The following TNS3 variants were observed in gnomAD, a reference collection of about 807,000 sequenced individuals.
TNS3 encodes the protein tensin 3, also known as tensin-3.
TNS3 carries 45 observed loss-of-function variants against 140.9 expected under a neutral mutation model. That is an observed-to-expected ratio of 0.32 (90% CI 0.25 to 0.41). The LOEUF is 0.41. Ranked by LOEUF, TNS3 falls within the 10% of genes least tolerant of loss-of-function variation. The pLI is 1.00. For synonymous variants in TNS3, 815 were observed against 788.4 expected, an observed-to-expected ratio of 1.03 and a Z score of -0.56; for missense variants, 1,716 against 1,906.7, an observed-to-expected ratio of 0.90 and a Z score of 1.86.
At chr7:47,297,021 T>A in intron 24 of TNS3, 61 bp downstream of exon 24, 1 of 1,566,272 alleles carries the variant, frequency 6.4e-7, no homozygotes, top group Non-Finnish European at 8.6e-7. Flanking sequence ...AGCCTAAAAA[T>A]AAACCAACAG....
intron 3 of TNS3, among the ~76,000 whole-genome samples, chr7:47,505,414 T>G (rs1460251869): frequency 1.3e-5 from 2 of 152,018 alleles, no homozygotes; most frequent in East Asian, 3.9e-4. Context: ...GAACAAGAAA[T>G]GCCCACTCCT....
intron 20 of TNS3, among the ~76,000 whole-genome samples, chr7:47,339,345 C>T (rs1439398609): frequency 6.6e-6 from 1 of 152,194 alleles, no homozygotes; most frequent in African/African-American, 2.4e-5. Context: ...TTAAGTCCAT[C>T]ATCCATTTTA....
chr7:47,473,598 AC>A (rs1797047139), intron 4 of TNS3, among the ~76,000 whole-genome samples: 1 of 152,138 alleles, frequency 6.6e-6, no homozygotes, highest in African/African-American at 2.4e-5. Flanking sequence ...GCAGGAAATA[AC>A]CACTGTCCAG....
rs78155282 is a variant in TNS3 at position 47,276,323 on chromosome 7, C to T, written c.*1753G>A. 1,856 of 154,754 alleles carry T rather than the reference C, an allele frequency of 0.012. 38 individuals carry two copies. The highest frequency in any genetic ancestry group is 0.043 in the African/African-American group (1,786 of 41,572). 9.6% of individuals were successfully genotyped at this position (154,754 alleles called of 1,614,324 possible). A position where few individuals can be genotyped will look rare whatever the true frequency, so the allele number is the denominator to read the frequency against. On this transcript the variant is annotated 3_prime_UTR_variant, in exon 31 of 31. Coordinates refer to ENST00000311160, the MANE Select transcript of TNS3 (RefSeq NM_022748.12). ...TCACACACGCATACACGCACGCATG[C>T]ACACACGCACACACACACAACACCC... is the stretch of plus-strand genomic sequence containing the variant.
At chr7:47,531,531 C>T (rs1397058566) in intron 1 of TNS3, among the ~76,000 whole-genome samples, 1 of 152,124 alleles carries the variant, frequency 6.6e-6, no homozygotes, top group African/African-American at 2.4e-5. Context: ...GCTAATTACA[C>T]AGGTAAATTT....
At chr7:47,353,972 C>G (rs1455670565) in intron 17 of TNS3, among the ~76,000 whole-genome samples, 1 of 143,176 alleles carries the variant, frequency 7.0e-6, no homozygotes, top group Non-Finnish European at 1.5e-5. Context: ...AGGAAACAAA[C>G]AAACAAACAC....
In TNS3 at chr7:47,278,069, G is replaced by T; in HGVS notation, c.*7C>A. The T allele has an allele frequency of 6.2e-7, 1 of 1,613,950 alleles. No homozygotes were observed. Among genetic ancestry groups the T allele is most frequent in the South Asian group, 1.1e-5 (1 of 91,058 alleles). On this transcript the variant is annotated 3_prime_UTR_variant, in exon 31 of 31. Transcript: ENST00000311160. ...GCATCGGTGGGTCCAGGGAGGGAGG[G>T]GAGTTCTCAGACCTTCTTTGGGGAA...
intron 16 of TNS3, among the ~76,000 whole-genome samples, chr7:47,371,953 G>A (rs968457885): frequency 6.6e-6 from 1 of 152,250 alleles, no homozygotes; most frequent in Non-Finnish European, 1.5e-5. Flanking sequence ...AGGTTGACCT[G>A]AGAATTAAAT....
chr7:47,568,927 T>C (rs1030931831), intron 1 of TNS3, among the ~76,000 whole-genome samples: 32 of 152,326 alleles, frequency 2.1e-4, no homozygotes, highest in African/African-American at 6.7e-4. Flanking sequence ...CACTATCTCC[T>C]CCTCACTGTG....
chr7:47,293,942 A>C (rs984534280), intron 24 of TNS3, 114 bp from the exon 25 acceptor site: 4 of 932,632 alleles, frequency 4.3e-6, no homozygotes, highest in Non-Finnish European at 6.7e-6. Context: ...TTCTCTGAAT[A>C]CGAGTCCAGT....
chr7:47,346,467 G>C, intron 17 of TNS3, 111 bp from the exon 18 acceptor site: 3 of 1,285,700 alleles, frequency 2.3e-6, no homozygotes, highest in Non-Finnish European at 3.2e-6. Context: ...GCTGCATCCT[G>C]GTCACCACTG....
At chr7:47,577,086 G>A (rs892294219) in intron 1 of TNS3, among the ~76,000 whole-genome samples, 5 of 152,182 alleles carry the variant, frequency 3.3e-5, no homozygotes, top group African/African-American at 1.2e-4. Context: ...ATGAAAGGAG[G>A]TGACACACTT....
chr7:47,280,782 A>G (rs1400500708), intron 28 of TNS3, among the ~76,000 whole-genome samples: 2 of 152,138 alleles, frequency 1.3e-5, no homozygotes, highest in Non-Finnish European at 2.9e-5. Flanking sequence ...GTGTGGTGAC[A>G]TGTGCCTGTA....
intron 6 of TNS3, among the ~76,000 whole-genome samples, chr7:47,437,826 T>C (rs954240147): frequency 6.8e-6 from 1 of 146,750 alleles, no homozygotes; most frequent in Admixed American, 6.8e-5. Context: ...CACATATATA[T>C]AAAATAAATA....
rs1789255448 is a variant in TNS3 at position 47,345,092 on chromosome 7, C to T, written c.2452-54G>A. ...AGAACAGGGAGTCAAGTGAAGGCCC[C>T]TCCAAACAGTTGTGGTTGTGGCTCC... On this transcript the variant is annotated intron_variant, in intron 18 of 30. Transcript: ENST00000311160. 3.5e-6 allele frequency: 5 copies of T among 1,440,390 alleles called. 1 individual carries two copies. In the South Asian group the frequency reaches 5.7e-5, roughly 17 times the overall value. 89.2% of individuals were successfully genotyped at this position (1,440,390 alleles called of 1,614,324 possible). A position where few individuals can be genotyped will look rare whatever the true frequency, so the allele number is the denominator to read the frequency against.
intron 1 of TNS3, among the ~76,000 whole-genome samples, chr7:47,575,262 G>C (rs1462562252): frequency 2.0e-5 from 3 of 152,094 alleles, no homozygotes; most frequent in Non-Finnish European, 4.4e-5. Context: ...TTTCTGGATT[G>C]GGAAATGCTT....
At chr7:47,571,131 TG>T (rs1306360078) in intron 1 of TNS3, among the ~76,000 whole-genome samples, 1 of 152,146 alleles carries the variant, frequency 6.6e-6, no homozygotes, top group African/African-American at 2.4e-5. Context: ...ACACTTCTTT[TG>T]GGGTCAGAGC....
At chr7:47,409,807 G>A (rs1402683745) in intron 13 of TNS3, among the ~76,000 whole-genome samples, 5 of 152,120 alleles carry the variant, frequency 3.3e-5, no homozygotes, top group African/African-American at 9.7e-5. Flanking sequence ...ACAGGCACGC[G>A]CCACCTTGCC....
chr7:47,333,839 A>G (rs868562819), intron 20 of TNS3, among the ~76,000 whole-genome samples: 2 of 152,348 alleles, frequency 1.3e-5, no homozygotes, highest in African/African-American at 4.8e-5. Flanking sequence ...TTAAAAAACT[A>G]AATTTTAAGA....
Sources: allele counts gnomAD v4.1 joint callset (sites outside exome capture counted in the v4.1 genomes callset), GRCh38; gene constraint gnomAD v4.1.1; transcripts MANE v1.5; gene names NCBI Gene and HGNC (gene_info 2026-07-23, HGNC 2026-07-21).